Variants in FSIP2 observed in about 807,000 individuals in gnomAD.
The protein encoded by FSIP2 is fibrous sheath interacting protein 2, also known as fibrous sheath-interacting protein 2.
A neutral mutation model predicts 510.5 loss-of-function variants in FSIP2; 367 were observed. The ratio of observed to expected loss-of-function variants is 0.72; its 90% confidence interval spans 0.66 to 0.78. The LOEUF is 0.78. FSIP2 is among the 30% of genes least tolerant of loss of function. The pLI, the probability that FSIP2 is intolerant of heterozygous loss-of-function variation, is 0.00. For missense variants in FSIP2, 7,594 were observed against 7,901.7 expected, an observed-to-expected ratio of 0.96 and a Z score of 1.48; for synonymous variants, 2,601 against 2,732.2, an observed-to-expected ratio of 0.95 and a Z score of 1.50.
In FSIP2 at chr2:185,808,966, C is replaced by T. The variant is rs1375759378; in HGVS notation, c.19660C>T (p.Leu6554Phe). ...ISIKTQPLEK[L>F]KQECLKRTGH... ...TATAAAAACTCAACCTCTTGAGAAA[C>T]TTAAGCAGGAGTGTTTGAAAAGAAC... The change falls in exon 17 of 23, where the codon CTT (leucine) becomes TTT (phenylalanine). Residue 6554 changes from leucine (L) to phenylalanine (F), a missense_variant. By Grantham distance (22) the Leu-to-Phe change is conservative (BLOSUM62 0). Coordinates refer to ENST00000424728, the MANE Select transcript of FSIP2 (RefSeq NM_173651.4). The T allele has an allele frequency of 4.3e-6, 7 of 1,610,350 alleles. No homozygotes were observed. Among genetic ancestry groups the T allele is most frequent in the South Asian group, 1.1e-5 (1 of 90,248 alleles).
chr2:185,830,157 T>C (rs1455880716), intron 21 of FSIP2, among the ~76,000 whole-genome samples: 1 of 151,872 alleles, frequency 6.6e-6, no homozygotes, highest in Non-Finnish European at 1.5e-5. Context: ...AAAAAATCAA[T>C]GTTCTCTACA....
At chr2:185,775,524 A>G (rs1213680502) in intron 13 of FSIP2, among the ~76,000 whole-genome samples, 2 of 151,738 alleles carry the variant, frequency 1.3e-5, no homozygotes, top group African/African-American at 4.8e-5. Context: ...CCCATTTTGT[A>G]GGTTGCCTGT....
chr2:185,818,622 C>T (rs1693864865), intron 19 of FSIP2, among the ~76,000 whole-genome samples: 1 of 151,734 alleles, frequency 6.6e-6, no homozygotes, highest in East Asian at 1.9e-4. Flanking sequence ...TAGTGATTTT[C>T]TCATTAGTAA....
At position 185,804,829 on chromosome 2, in the gene FSIP2, G is replaced by A. The variant is rs1248533854; in HGVS notation, c.15523G>A (p.Ala5175Thr). Residue 5175 changes from alanine to threonine, a missense_variant, in exon 17 of 23, where the codon GCA (alanine) becomes ACA (threonine). By Grantham distance (58) the Ala-to-Thr change is moderately conservative. Coordinates refer to ENST00000424728, the MANE Select transcript of FSIP2 (RefSeq NM_173651.4). ...ISEHEIRLSMAEDNAESMQLE... is the reference protein window; with the variant it reads ...ISEHEIRLSMTEDNAESMQLE... ...TGAACATGAGATTCGACTTTCCATGGCAGAGGATAATGCAGAAAGTATGCA... is the reference window on the plus strand; with the variant it reads ...TGAACATGAGATTCGACTTTCCATGACAGAGGATAATGCAGAAAGTATGCA... 3 of 1,532,186 alleles carry A rather than the reference G, an allele frequency of 2.0e-6. No individual in the cohort carries two copies. Among genetic ancestry groups the A allele is most frequent in the Admixed American group, 4.0e-5 (2 of 50,616 alleles). The allele number at this position is 1,532,186 out of a possible 1,614,324, so 94.9% of individuals were successfully genotyped here.
intron 13 of FSIP2, among the ~76,000 whole-genome samples, chr2:185,780,087 T>A (rs1245450568): frequency 6.7e-6 from 1 of 149,626 alleles, no homozygotes; most frequent in Non-Finnish European, 1.5e-5. Flanking sequence ...AAAAAAAAAA[T>A]TGTTTTGTTT....
chr2:185,782,629 C>T (rs1692876588), intron 13 of FSIP2, 76 bp from the exon 14 acceptor site: 2 of 838,654 alleles, frequency 2.4e-6, no homozygotes, highest in Non-Finnish European at 3.9e-6. Flanking sequence ...AAAATAAATA[C>T]CTACTGGAGG....
chr2:185,818,405 G>C (rs1693861911), intron 19 of FSIP2, among the ~76,000 whole-genome samples: 1 of 151,788 alleles, frequency 6.6e-6, no homozygotes, highest in Admixed American at 6.6e-5. Flanking sequence ...GAAACAGATA[G>C]ATTATTTGAG....
chr2:185,823,136 C>T (rs1212585011), intron 19 of FSIP2, among the ~76,000 whole-genome samples: 2 of 151,970 alleles, frequency 1.3e-5, no homozygotes, highest in South Asian at 2.1e-4. Context: ...GGCTTCTTGA[C>T]ATTGGATTTA....
At chr2:185,747,894 C>T (rs1198994511) in intron 7 of FSIP2, among the ~76,000 whole-genome samples, 1 of 152,016 alleles carries the variant, frequency 6.6e-6, no homozygotes, top group African/African-American at 2.4e-5. Flanking sequence ...CACCCCCCAA[C>T]AATGTTTCCA....
chr2:185,772,863 G>C (rs1047085146), intron 13 of FSIP2, among the ~76,000 whole-genome samples: 8 of 134,976 alleles, frequency 5.9e-5, no homozygotes, highest in Non-Finnish European at 1.1e-4. Context: ...TTTTGTTTTT[G>C]TTTTTTTCTT....
Position 185,802,189 on chromosome 2 carries a change from C to A in FSIP2, c.12883C>A (p.Pro4295Thr). The A allele has an allele frequency of 6.5e-7, 1 of 1,533,344 alleles. No individual in the cohort carries two copies. Among genetic ancestry groups the A allele is most frequent in the African/African-American group, 1.4e-5 (1 of 72,940 alleles). The allele number at this position is 1,533,344 out of a possible 1,614,324, so 95.0% of individuals were successfully genotyped here. A position where few individuals can be genotyped will look rare whatever the true frequency, so the allele number is the denominator to read the frequency against. ...GAGTGAAGTGATAGAGTCACACAGA[C>A]CTCAGAAGCAATCACCTTTAGATAT... Reference protein sequence around the residue: ...VLSEVIESHRPQKQSPLDIHL... With the variant: ...VLSEVIESHRTQKQSPLDIHL... Residue 4295 changes from proline to threonine, a missense_variant, in exon 17 of 23, where the codon CCT becomes ACT. Pro to Thr is a conservative substitution (Grantham distance 38). Coordinates refer to ENST00000424728, the MANE Select transcript of FSIP2 (RefSeq NM_173651.4).
Position 185,807,371 on chromosome 2 carries a change from C to T in FSIP2, c.18065C>T (p.Ser6022Phe). 6.2e-7 allele frequency: 1 copy of T among 1,609,052 alleles called. No individual in the cohort carries two copies. Among genetic ancestry groups the T allele is most frequent in the Non-Finnish European group, 8.5e-7 (1 of 1,178,442 alleles). ...FLENVISALF[S>F]KIFSTISSTK... ...GAGAATGTGATTTCTGCTCTTTTCT[C>T]CAAAATTTTCTCAACAATATCCAGC... is the stretch of plus-strand genomic sequence containing the variant. Residue 6022 changes from serine to phenylalanine, a missense_variant, in exon 17 of 23, where the codon TCC becomes TTC. Transcript: ENST00000424728.
chr2:185,792,065 A>T lies in FSIP2; in HGVS notation c.4929A>T (p.Ala1643=). The change falls in exon 16 of 23, where the codon GCA becomes GCT. Residue 1643 remains alanine, a synonymous_variant. Coordinates refer to ENST00000424728, the MANE Select transcript of FSIP2 (RefSeq NM_173651.4). ...TTCTGTCTGCTTTATATATGCATGC[A>T]AAGAAGGTATCAAGTGCTATTTTGA... is the stretch of plus-strand genomic sequence containing the variant. ...ASFLSALYMH[A]KKVSSAILKV... is the part of the protein sequence containing the mutation. 6.5e-7 allele frequency: 1 copy of T among 1,533,966 alleles called. No individual in the cohort carries two copies. The highest frequency in any genetic ancestry group is 8.7e-7 in the Non-Finnish European group (1 of 1,145,278).
chr2:185,790,001 A>C lies in FSIP2; in HGVS notation c.2865A>C (p.Gln955His). The change falls in exon 16 of 23, where the codon CAA becomes CAC. Residue 955 changes from glutamine (Q) to histidine (H), a missense_variant. Gln to His is a conservative substitution (Grantham distance 24). Coordinates refer to ENST00000424728, the MANE Select transcript of FSIP2 (RefSeq NM_173651.4). The stretch of plus-strand genomic sequence containing the variant: ...AGGAACCAGTAAATGAAAGTTTTCA[A>C]AAAAGTAGGCAACCTAGAATAAGTA... ...LHQEPVNESF[Q>H]KSRQPRISSP... 1 of 1,534,188 alleles carries C rather than the reference A, an allele frequency of 6.5e-7. No individual in the cohort carries two copies. Among genetic ancestry groups the C allele is most frequent in the Non-Finnish European group, 8.7e-7 (1 of 1,145,646 alleles).
At chr2:185,828,882 T>C (rs941120405) in intron 21 of FSIP2, among the ~76,000 whole-genome samples, 1 of 151,892 alleles carries the variant, frequency 6.6e-6, no homozygotes, top group Non-Finnish European at 1.5e-5. Context: ...AAGCTATCAG[T>C]TATGGAGTTA....
At chr2:185,753,627 T>A in intron 7 of FSIP2, 95 bp from the exon 8 acceptor site, 1 of 610,412 alleles carries the variant, frequency 1.6e-6, no homozygotes. Context: ...GGACTGATTA[T>A]CCATTTTCAA....
At chr2:185,799,186 G>A (rs768404078) in intron 16 of FSIP2, among the ~76,000 whole-genome samples, 28 of 151,910 alleles carry the variant, frequency 1.8e-4, no homozygotes, top group Admixed American at 3.9e-4. Context: ...AAGTACTACT[G>A]CTATTGCAAT....
In FSIP2 at chr2:185,800,778, G is replaced by T. The variant is rs776032224; in HGVS notation, c.11472G>T (p.Glu3824Asp). The T allele has an allele frequency of 1.3e-6, 2 of 1,534,164 alleles. No homozygotes were observed. Among genetic ancestry groups the T allele is most frequent in the Non-Finnish European group, 1.7e-6 (2 of 1,145,552 alleles). Residue 3824 changes from glutamate to aspartate, a missense_variant, in exon 17 of 23, where the codon GAG becomes GAT. Physicochemically the swap from Glu to Asp is conservative, Grantham distance 45 (BLOSUM62 2). Coordinates refer to ENST00000424728, the MANE Select transcript of FSIP2 (RefSeq NM_173651.4). ...LQVDYMSDLL[E>D]NVAEIDQDLL... ...TAGATTACATGTCAGACCTTTTGGA[G>T]AATGTGGCAGAAATTGATCAAGACT...
At chr2:185,775,033 A>T (rs1692690188) in intron 13 of FSIP2, among the ~76,000 whole-genome samples, 1 of 71,796 alleles carries the variant, frequency 1.4e-5, no homozygotes, top group Non-Finnish European at 2.8e-5. Context: ...ATAATGCCGC[A>T]ATAAACATAC....
Sources: allele counts gnomAD v4.1 joint callset (sites outside exome capture counted in the v4.1 genomes callset), GRCh38; gene constraint gnomAD v4.1.1; transcripts MANE v1.5; gene names NCBI Gene and HGNC (gene_info 2026-07-23, HGNC 2026-07-21).